The following FBN2 variants were observed in gnomAD, a reference collection of about 807,000 sequenced individuals.
The protein encoded by FBN2 is fibrillin-2.
A neutral mutation model predicts 355.6 loss-of-function variants in FBN2; 105 were observed. The ratio of observed to expected loss-of-function variants is 0.30; its 90% CI spans 0.25 to 0.35. The LOEUF (loss-of-function observed/expected upper bound fraction) is 0.35, where lower values mean the gene tolerates loss of function less well. Among genes scored for constraint, FBN2 ranks in the 10% least tolerant of loss-of-function variants. The probability of loss-of-function intolerance (pLI) is 1.00; values close to 1 mark genes in which losing one functional copy is unlikely to be tolerated. For synonymous variants in FBN2, 1,350 were observed against 1,301.2 expected, an observed-to-expected ratio of 1.04 and a Z score of -0.81; for missense variants, 3,280 against 3,758.7, an observed-to-expected ratio of 0.87 and a Z score of 3.33.
At chr5:128,536,565 C>G in intron 1 of FBN2, 81 bp from the exon 2 acceptor site, 1 of 930,034 alleles carries the variant, frequency 1.1e-6, no homozygotes, top group Admixed American at 2.0e-5. Flanking sequence ...AGCAATGCCC[C>G]GAGCGAGTAG....
chr5:128,323,222 C>A (rs1174442712), intron 34 of FBN2, among the ~76,000 whole-genome samples: 1 of 152,164 alleles, frequency 6.6e-6, no homozygotes, highest in African/African-American at 2.4e-5. Flanking sequence ...ATTTGACTTC[C>A]TCTTTTCCTA....
At chr5:128,495,489 A>G (rs936214577) in intron 5 of FBN2, among the ~76,000 whole-genome samples, 1 of 152,162 alleles carries the variant, frequency 6.6e-6, no homozygotes, top group Admixed American at 6.5e-5. Flanking sequence ...ATGCAAAGAT[A>G]TCCAAATGTA....
At chr5:128,457,331 AG>A (rs1174793142) in intron 6 of FBN2, among the ~76,000 whole-genome samples, 1 of 152,220 alleles carries the variant, frequency 6.6e-6, no homozygotes, top group Non-Finnish European at 1.5e-5. Context: ...GATTGACTGG[AG>A]TACCAGGAGG....
intron 7 of FBN2, among the ~76,000 whole-genome samples, chr5:128,440,114 A>C (rs992944015): frequency 6.6e-6 from 1 of 152,218 alleles, no homozygotes; most frequent in Non-Finnish European, 1.5e-5. Context: ...ATAGTAATTT[A>C]AATATTTTCG....
Position 128,277,938 on chromosome 5 carries a change from T to G in FBN2, c.7413A>C (p.Ser2471=), listed in dbSNP as rs1483379234. 1 of 1,614,100 alleles carries G rather than the reference T, an allele frequency of 6.2e-7. No individual in the cohort carries two copies. The highest frequency in any genetic ancestry group is 8.5e-7 in the Non-Finnish European group (1 of 1,179,978). The change falls in exon 58 of 65, where the codon TCA becomes TCC. Residue 2471 remains serine, a synonymous_variant. Coordinates refer to ENST00000262464, the MANE Select transcript of FBN2 (RefSeq NM_001999.4). ...TNGQCINTMG[S]FRCFCKVGYT... ...AGCCAACCTTGCAGAAGCATCGGAATGAGCCCATGGTATTGATGCACTGAC... is the reference window on the plus strand; with the variant it reads ...AGCCAACCTTGCAGAAGCATCGGAAGGAGCCCATGGTATTGATGCACTGAC...
chr5:128,289,501 A>C (rs1218897262), intron 51 of FBN2, among the ~76,000 whole-genome samples: 1 of 152,130 alleles, frequency 6.6e-6, no homozygotes, highest in Non-Finnish European at 1.5e-5. Flanking sequence ...AGGCAGGAGA[A>C]TCACTTGAAC....
At chr5:128,472,535 T>C (rs1024225748) in intron 5 of FBN2, among the ~76,000 whole-genome samples, 4 of 152,154 alleles carry the variant, frequency 2.6e-5, no homozygotes, top group Non-Finnish European at 4.4e-5. Context: ...CTCACACTTG[T>C]AATCTCAGCA....
Position 128,377,735 on chromosome 5 carries a change from G to T in FBN2, c.1849+17C>A. The T allele has an allele frequency of 1.2e-6, 2 of 1,612,814 alleles. No homozygotes were observed. Among genetic ancestry groups the T allele is most frequent in the Non-Finnish European group, 1.7e-6 (2 of 1,179,104 alleles). On this transcript the variant is annotated intron_variant, in intron 13 of 64. Transcript: ENST00000262464. ...TCCTTTTAAAATCTTTTGCAAGGGA[G>T]CAGGCAATTTCCATACCAACACAGT...
At chr5:128,449,858 CA>C (rs1203088529) in intron 6 of FBN2, among the ~76,000 whole-genome samples, 1 of 151,738 alleles carries the variant, frequency 6.6e-6, no homozygotes, top group Non-Finnish European at 1.5e-5. Flanking sequence ...ATTAAGAATT[CA>C]ATTAAAAAAA....
At chr5:128,462,940 T>A (rs1170662230) in intron 6 of FBN2, among the ~76,000 whole-genome samples, 1 of 152,080 alleles carries the variant, frequency 6.6e-6, no homozygotes, top group Non-Finnish European at 1.5e-5. Flanking sequence ...GTCTGAGACA[T>A]CAGTGAATAA....
At chr5:128,496,373 G>A (rs1320055565) in intron 5 of FBN2, among the ~76,000 whole-genome samples, 1 of 152,038 alleles carries the variant, frequency 6.6e-6, no homozygotes, top group African/African-American at 2.4e-5. Context: ...TTGAGGATAT[G>A]TAAATCAATC....
chr5:128,269,651 T>C (rs114240062), intron 62 of FBN2, among the ~76,000 whole-genome samples: 444 of 151,956 alleles, frequency 2.9e-3, no homozygotes, highest in Non-Finnish European at 4.9e-3. Context: ...GAGAATAAAA[T>C]ACGTAAGAAT....
chr5:128,286,685 T>C, intron 55 of FBN2, 33 bp downstream of exon 55: 1 of 1,613,196 alleles, frequency 6.2e-7, no homozygotes, highest in Non-Finnish European at 8.5e-7. Context: ...AGTGGAGGCA[T>C]TACATAAGCA....
chr5:128,510,922 C>T (rs1756111231), intron 5 of FBN2, among the ~76,000 whole-genome samples: 2 of 152,132 alleles, frequency 1.3e-5, no homozygotes, highest in Non-Finnish European at 2.9e-5. Context: ...TGTTCCAATC[C>T]TACTTTCTTA....
intron 48 of FBN2, among the ~76,000 whole-genome samples, chr5:128,298,926 T>C (rs903148213): frequency 2.0e-5 from 3 of 152,162 alleles, no homozygotes; most frequent in Admixed American, 6.5e-5. Flanking sequence ...CTTTTTAGAG[T>C]TTCTAGTTTT....
chr5:128,335,701 C>T (rs1750816783), intron 28 of FBN2, 124 bp from the exon 29 acceptor site: 1 of 1,179,502 alleles, frequency 8.5e-7, no homozygotes. Flanking sequence ...GTTGATTGAA[C>T]ATTATCTTTC....
chr5:128,301,943 G>C (rs1465278478), intron 46 of FBN2, among the ~76,000 whole-genome samples: 2 of 151,922 alleles, frequency 1.3e-5, no homozygotes, highest in Non-Finnish European at 2.9e-5. Context: ...ATTTATTACT[G>C]GAAAATCAAT....
chr5:128,532,333 G>T (rs909610477), intron 2 of FBN2, among the ~76,000 whole-genome samples: 4 of 152,210 alleles, frequency 2.6e-5, no homozygotes, highest in African/African-American at 9.6e-5. Context: ...GAACAGAAAG[G>T]TATGAGGGTC....
chr5:128,370,249 G>A (rs1165834580), intron 15 of FBN2, among the ~76,000 whole-genome samples: 1 of 152,104 alleles, frequency 6.6e-6, no homozygotes, highest in Non-Finnish European at 1.5e-5. Flanking sequence ...GAGAACCCAT[G>A]CAATTTTTAA....
Sources: gnomAD v4.1 joint callset for allele counts (sites outside exome capture counted in the v4.1 genomes callset) on GRCh38, gnomAD v4.1.1 for gene constraint, MANE v1.5 for transcripts, NCBI Gene and HGNC (gene_info 2026-07-23, HGNC 2026-07-21) for gene names.